SHISA9: variants seen among roughly 807,000 people sequenced by gnomAD.
SHISA9 encodes the protein protein shisa-9.
In SHISA9, 13 loss-of-function variants were observed where a neutral mutation model predicts 38.0. That is an observed-to-expected ratio of 0.34 (90% confidence interval 0.22 to 0.54). SHISA9 has a LOEUF of 0.54. SHISA9 is among the 20% of genes least tolerant of loss of function. SHISA9 has a pLI of 0.91. For missense variants in SHISA9, 538 were observed against 575.8 expected, an observed-to-expected ratio of 0.93 and a Z score of 0.67; for synonymous variants, 275 against 242.0, an observed-to-expected ratio of 1.14 and a Z score of -1.27.
rs1415302911 is a variant in SHISA9, at chr16:13,236,567, T to C, written c.*1158T>C. On this transcript the variant is annotated 3_prime_UTR_variant, in exon 5 of 5. Coordinates refer to ENST00000558583, the MANE Select transcript of SHISA9 (RefSeq NM_001145204.3). ...TCATAAGCGTGGGTGGTGCCTTCAA[T>C]GTGTTACTGTTGTTTAATGACAGTC... 2 of 152,322 alleles carry C rather than the reference T, an allele frequency of 1.3e-5. No individual in the cohort carries two copies. The highest frequency in any genetic ancestry group is 4.8e-5 in the African/African-American group (2 of 41,462). 9.4% of individuals were successfully genotyped at this position (152,322 alleles called of 1,614,324 possible).
chr16:13,294,121 A>G, the SHISA9 span, among the ~76,000 whole-genome samples: 1 of 152,190 alleles, frequency 6.6e-6, no homozygotes, highest in African/African-American at 2.4e-5. Flanking sequence ...CTAGAAACAT[A>G]TGCAATATCC....
chr16:13,088,446 G>A (rs1200908312), intron 2 of SHISA9, among the ~76,000 whole-genome samples: 1 of 152,190 alleles, frequency 6.6e-6, no homozygotes, highest in Non-Finnish European at 1.5e-5. Context: ...CTATCCATGA[G>A]CTTGGAATAT....
At chr16:12,916,042 A>G (rs140434739) in intron 1 of SHISA9, among the ~76,000 whole-genome samples, 9 of 117,702 alleles carry the variant, frequency 7.6e-5, no homozygotes, top group African/African-American at 2.6e-4. Flanking sequence ...CTAAGTTTAC[A>G]TCTAATCATG....
intron 2 of SHISA9, among the ~76,000 whole-genome samples, chr16:13,028,821 G>T (rs1193232108): frequency 6.6e-6 from 1 of 152,198 alleles, no homozygotes; most frequent in African/African-American, 2.4e-5. Context: ...CACTGTGTCT[G>T]CAGATGGTGG....
the SHISA9 span, among the ~76,000 whole-genome samples, chr16:13,378,766 A>G: frequency 6.6e-6 from 1 of 152,216 alleles, no homozygotes; most frequent in Admixed American, 6.5e-5. Flanking sequence ...TAACCGATCA[A>G]TATTGTACAT....
chr16:13,442,459 C>G, the SHISA9 span, among the ~76,000 whole-genome samples: 1 of 152,116 alleles, frequency 6.6e-6, no homozygotes, highest in African/African-American at 2.4e-5. Context: ...AGGTATGCAC[C>G]ACCACACTTG....
chr16:13,157,960 C>T (rs769964968), intron 2 of SHISA9, among the ~76,000 whole-genome samples: 11 of 152,120 alleles, frequency 7.2e-5, no homozygotes, highest in Non-Finnish European at 1.3e-4. Flanking sequence ...GGTTCTTAGC[C>T]CCTCTAACAT....
chr16:13,059,206 C>T (rs1007192025), intron 2 of SHISA9, among the ~76,000 whole-genome samples: 2 of 140,638 alleles, frequency 1.4e-5, no homozygotes, highest in Non-Finnish European at 3.0e-5. Flanking sequence ...CGGCTCATTG[C>T]AAGCTCCCCC....
the SHISA9 span, among the ~76,000 whole-genome samples, chr16:13,503,979 C>T: frequency 6.6e-6 from 1 of 152,114 alleles, no homozygotes; most frequent in African/African-American, 2.4e-5. Flanking sequence ...GAAGGCTCCC[C>T]CTCAGGTGGC....
chr16:13,276,043 G>T, the SHISA9 span, among the ~76,000 whole-genome samples: 2 of 151,816 alleles, frequency 1.3e-5, no homozygotes, highest in African/African-American at 4.8e-5. Context: ...GTATACACTG[G>T]ACCATATTTG....
the SHISA9 span, among the ~76,000 whole-genome samples, chr16:13,295,696 A>G: frequency 1.3e-5 from 2 of 152,188 alleles, no homozygotes; most frequent in African/African-American, 4.8e-5. Context: ...CTGTGATTTA[A>G]TAATGTTGTG....
the SHISA9 span, among the ~76,000 whole-genome samples, chr16:13,376,985 G>A: frequency 6.6e-6 from 1 of 152,126 alleles, no homozygotes; most frequent in South Asian, 2.1e-4. Flanking sequence ...CCATGATAGG[G>A]TATTTGTATC....
intron 1 of SHISA9, among the ~76,000 whole-genome samples, chr16:12,916,283 C>A (rs951376616): frequency 6.6e-6 from 1 of 152,086 alleles, no homozygotes; most frequent in Non-Finnish European, 1.5e-5. Context: ...TGGCTTATGG[C>A]AAATACTCAA....
At chr16:13,336,369 A>G in the SHISA9 span, among the ~76,000 whole-genome samples, 1 of 152,354 alleles carries the variant, frequency 6.6e-6, no homozygotes, top group South Asian at 2.1e-4. Flanking sequence ...CCTATTATGG[A>G]TCCAAGTCCT....
chr16:13,034,167 T>A (rs2073025920), intron 2 of SHISA9, among the ~76,000 whole-genome samples: 2 of 149,100 alleles, frequency 1.3e-5, no homozygotes, highest in South Asian at 4.3e-4. Context: ...AAAAAATACC[T>A]CCATCTGAGA....
chr16:12,908,611 C>A (rs766817213), intron 1 of SHISA9: 334 of 1,551,366 alleles, frequency 2.2e-4, no homozygotes, highest in Non-Finnish European at 2.8e-4. Context: ...CTAGGCTGCA[C>A]TGCGTTTGAG....
the SHISA9 span, among the ~76,000 whole-genome samples, chr16:13,431,161 T>G: frequency 2.6e-5 from 4 of 152,122 alleles, no homozygotes; most frequent in Non-Finnish European, 5.9e-5. Flanking sequence ...TAAATTCAGC[T>G]CCTTGAATTT....
intron 2 of SHISA9, among the ~76,000 whole-genome samples, chr16:13,038,642 AG>A (rs2073100599): frequency 1.3e-5 from 2 of 152,192 alleles, no homozygotes; most frequent in African/African-American, 4.8e-5. Flanking sequence ...ATCATTTCCC[AG>A]GGAAGCCTTC....
chr16:13,254,398 C>A, the SHISA9 span, among the ~76,000 whole-genome samples: 2 of 152,164 alleles, frequency 1.3e-5, no homozygotes, highest in African/African-American at 2.4e-5. Flanking sequence ...CCAGCATGAC[C>A]ATCAGTTCCA....
Sources: gnomAD v4.1 joint callset for allele counts (sites outside exome capture counted in the v4.1 genomes callset) on GRCh38, gnomAD v4.1.1 for gene constraint, MANE v1.5 for transcripts, NCBI Gene and HGNC (gene_info 2026-07-23, HGNC 2026-07-21) for gene names.